The following CDH10 variants were observed in gnomAD, a reference collection of about 807,000 sequenced individuals.
CDH10 encodes the protein cadherin 10.
A neutral mutation model predicts 73.1 loss-of-function variants in CDH10; 30 were observed. The ratio of observed to expected loss-of-function variants is 0.41; its 90% CI spans 0.31 to 0.56. CDH10 has a LOEUF of 0.56. Among genes scored for constraint, CDH10 ranks in the 20% least tolerant of loss-of-function variants. The pLI is 0.27. For synonymous variants in CDH10, 345 were observed against 348.2 expected, an observed-to-expected ratio of 0.99 and a Z score of 0.10; for missense variants, 815 against 973.7, an observed-to-expected ratio of 0.84 and a Z score of 2.17.
chr5:24,504,541 T>G (rs1440880725), intron 8 of CDH10, among the ~76,000 whole-genome samples: 1 of 122,136 alleles, frequency 8.2e-6, no homozygotes, highest in African/African-American at 3.5e-5. Context: ...TTTTTTTTTT[T>G]TTAAGATGGA....
At chr5:24,644,493 A>G (rs1398186596) in intron 1 of CDH10, 101 bp downstream of exon 1, 1 of 152,054 alleles carries the variant, frequency 6.6e-6, no homozygotes, top group African/African-American at 2.4e-5. Flanking sequence ...AACACAACTT[A>G]AAAACAAACA....
intron 5 of CDH10, among the ~76,000 whole-genome samples, chr5:24,530,405 C>G (rs1341023800): frequency 6.6e-6 from 1 of 151,858 alleles, no homozygotes. Context: ...TTTCATAGAC[C>G]TTTCCAATGA....
chr5:24,511,407 T>C lies in CDH10; in HGVS notation c.922A>G (p.Ile308Val), dbSNP rs967855908. 7 of 1,611,274 alleles carry C rather than the reference T, an allele frequency of 4.3e-6. No homozygotes were observed. The East Asian group carries it at 1.6e-4, about 36-fold the overall frequency. ...ATATCAGTACCGTCACCATCAATAA[T>C]TCGGTATTCTACTTCAGCATTTTTC... ...TGKNAEVEYR[I>V]IDGDGTDMFD... is the part of the protein sequence containing the mutation. Residue 308 changes from isoleucine (I) to valine (V), a missense_variant, in exon 6 of 12, where the codon ATT becomes GTT. Around this residue, in one of 3 missense-constraint regions of CDH10, gnomAD observed 516 missense variants for 636.6 expected, o/e 0.81. Transcript: ENST00000264463.
intron 7 of CDH10, among the ~76,000 whole-genome samples, chr5:24,507,236 GA>G (rs1411287389): frequency 4.0e-5 from 6 of 151,620 alleles, no homozygotes; most frequent in Non-Finnish European, 8.8e-5. Flanking sequence ...TGACATCCAA[GA>G]ATGTTCATTA....
intron 2 of CDH10, among the ~76,000 whole-genome samples, chr5:24,572,159 A>G (rs1270989039): frequency 6.6e-6 from 1 of 152,164 alleles, no homozygotes; most frequent in African/African-American, 2.4e-5. Context: ...GAAGAAATCA[A>G]AATTAACCTG....
intron 5 of CDH10, among the ~76,000 whole-genome samples, chr5:24,531,680 G>A (rs549393498): frequency 1.3e-4 from 20 of 152,146 alleles, no homozygotes; most frequent in African/African-American, 4.3e-4. Flanking sequence ...GACCACCCCC[G>A]TGATTCAGTT....
chr5:24,622,583 T>A (rs1747354022), intron 1 of CDH10, among the ~76,000 whole-genome samples: 1 of 152,158 alleles, frequency 6.6e-6, no homozygotes, highest in Admixed American at 6.5e-5. Flanking sequence ...TTGACAGTGA[T>A]AATCATGAGG....
chr5:24,532,310 A>G (rs1348138031), intron 5 of CDH10, among the ~76,000 whole-genome samples: 1 of 152,110 alleles, frequency 6.6e-6, no homozygotes, highest in Non-Finnish European at 1.5e-5. Flanking sequence ...TATTGGATGC[A>G]TAAATACACT....
At position 24,505,154 on chromosome 5, in the gene CDH10, G is replaced by C. The variant is rs1349525203; in HGVS notation, c.1351C>G (p.Leu451Val). 3 of 1,612,356 alleles carry C rather than the reference G, an allele frequency of 1.9e-6. No homozygotes were observed. The highest frequency in any genetic ancestry group is 2.5e-6 in the Non-Finnish European group (3 of 1,178,688). The part of the protein sequence containing the change: ...LYTSKPLDRE[L>V]SQWHNLTVIA... ...ACAGTAAGATTATGCCACTGAGATA[G>C]TTCACGGTCAAGAGGTTTTGATGTA... Residue 451 changes from leucine (L) to valine (V), a missense_variant, in exon 8 of 12, where the codon CTA becomes GTA. Leu to Val is a conservative substitution (Grantham distance 32, BLOSUM62 1). Around this residue, in one of 3 missense-constraint regions of CDH10, gnomAD observed 516 missense variants for 636.6 expected, o/e 0.81. Coordinates refer to ENST00000264463, the MANE Select transcript of CDH10 (RefSeq NM_006727.5).
At chr5:24,563,597 C>CAA (rs70965616) in intron 2 of CDH10, among the ~76,000 whole-genome samples, 13 of 88,718 alleles carry the variant, frequency 1.5e-4, no homozygotes, top group East Asian at 6.8e-4. Context: ...ACTAAAAATA[C>CAA]AAAAAAAAAA....
chr5:24,554,111 C>A lies in CDH10; in HGVS notation c.232-16437G>T, dbSNP rs1211405211. On this transcript the variant is annotated intron_variant, in intron 2 of 11. Transcript: ENST00000264463. ...AGAGAGAGAGAGAAGGGGAGGTGGG[C>A]GGGGGGGGGAGAGAGAGAGACATTC... 51 of 50,524 alleles carry A rather than the reference C, an allele frequency of 1.0e-3. 9 individuals carry two copies. Among genetic ancestry groups the A allele is most frequent in the African/African-American group, 2.2e-3 (26 of 11,568 alleles). The allele number at this position is 50,524 out of a possible 1,614,324, so 3.1% of individuals were successfully genotyped here.
At chr5:24,577,359 T>G (rs1006495989) in intron 2 of CDH10, among the ~76,000 whole-genome samples, 16 of 152,298 alleles carry the variant, frequency 1.1e-4, no homozygotes, top group African/African-American at 3.9e-4. Flanking sequence ...GTAACTTTTC[T>G]ACAAACCTGA....
Position 24,509,693 on chromosome 5 carries a change from C to T in CDH10, c.1129G>A (p.Asp377Asn), listed in dbSNP as rs1742826140. ...DTTIVKISIE[D>N]VDEPPVFSRS... ...CTAAAAACAGGAGGTTCATCCACAT[C>T]TTCTATAGAGATTTTCACTATGGTA... is the stretch of plus-strand genomic sequence containing the variant. The change falls in exon 7 of 12, where the codon GAT (aspartate) becomes AAT (asparagine). Residue 377 changes from aspartate (D) to asparagine (N), a missense_variant. By Grantham distance (23) the Asp-to-Asn change is conservative (BLOSUM62 1). Transcript: ENST00000264463. 1 of 1,613,604 alleles carries T rather than the reference C, an allele frequency of 6.2e-7. No individual in the cohort carries two copies. Among genetic ancestry groups the T allele is most frequent in the Admixed American group, 1.7e-5 (1 of 60,002 alleles).
intron 1 of CDH10, among the ~76,000 whole-genome samples, chr5:24,643,139 A>G (rs332006): frequency 0.011 from 1,645 of 152,216 alleles, 36 homozygotes; most frequent in African/African-American, 0.038. Flanking sequence ...TTCCTTATGC[A>G]TTGCACATTG....
intron 1 of CDH10, among the ~76,000 whole-genome samples, chr5:24,640,588 A>G (rs1241430521): frequency 6.6e-6 from 1 of 151,728 alleles, no homozygotes; most frequent in Non-Finnish European, 1.5e-5. Flanking sequence ...TAAAGTGCTT[A>G]TAATGTTTCT....
chr5:24,490,484 T>A (rs1742012719), intron 11 of CDH10, among the ~76,000 whole-genome samples: 1 of 152,154 alleles, frequency 6.6e-6, no homozygotes, highest in African/African-American at 2.4e-5. Flanking sequence ...AAAAATCTAA[T>A]CTTGAATTAT....
chr5:24,534,122 C>T (rs1443418095), intron 5 of CDH10, among the ~76,000 whole-genome samples: 1 of 151,944 alleles, frequency 6.6e-6, no homozygotes. Context: ...ACAGTAATTC[C>T]TCTGAGCAAC....
rs113428840 is a variant in CDH10 at position 24,497,460 on chromosome 5, T to A, written c.1515+938A>T. Among the ~76,000 whole-genome samples the A allele has an allele frequency of 4.4e-3, 664 of 152,182 alleles. 6 individuals carry two copies. The highest frequency in any genetic ancestry group is 0.015 in the African/African-American group (615 of 41,518). On this transcript the variant is annotated intron_variant, in intron 9 of 11. Coordinates refer to ENST00000264463, the MANE Select transcript of CDH10 (RefSeq NM_006727.5). ...CAAATTAAACATTTCCATAACATTTTCAAGTTAAAAAAAATGAATCAAATT... is the reference window on the plus strand; with the variant it reads ...CAAATTAAACATTTCCATAACATTTACAAGTTAAAAAAAATGAATCAAATT...
At chr5:24,565,524 A>G (rs1020418463) in intron 2 of CDH10, among the ~76,000 whole-genome samples, 3 of 152,178 alleles carry the variant, frequency 2.0e-5, no homozygotes, top group African/African-American at 7.2e-5. Flanking sequence ...AAGATATAAC[A>G]TCTTCATAGA....
Sources: gnomAD v4.1 joint callset for allele counts (sites outside exome capture counted in the v4.1 genomes callset) on GRCh38, gnomAD v4.1.1 for gene constraint, gnomAD v4.1.1 regional missense constraint, MANE v1.5 for transcripts, NCBI Gene and HGNC (gene_info 2026-07-23, HGNC 2026-07-21) for gene names.